CTSZ: variants seen among roughly 807,000 people sequenced by gnomAD.
CTSZ encodes the protein cathepsin Z.
A neutral mutation model predicts 32.4 loss-of-function variants in CTSZ; 39 were observed. That is an observed-to-expected ratio of 1.20 (90% CI 0.93 to 1.57). CTSZ has a LOEUF of 1.57. Ranked by LOEUF, CTSZ falls within the 40% of genes most tolerant of loss-of-function variation. The probability of loss-of-function intolerance (pLI) is 0.00; values close to 1 mark genes in which losing one functional copy is unlikely to be tolerated. For synonymous variants in CTSZ, 168 were observed against 170.1 expected (o/e 0.99, Z 0.10); for missense variants, 397 against 419.6 (o/e 0.95, Z 0.47).
chr20:59,001,229 G>A (rs563893877), intron 3 of CTSZ, among the ~76,000 whole-genome samples: 27 of 152,332 alleles, frequency 1.8e-4, no homozygotes, highest in Non-Finnish European at 2.5e-4. Flanking sequence ...CCAAGCGGGT[G>A]CAAGATAGCA....
rs163795 is a variant in CTSZ, at chr20:59,002,450, G to C, written c.308-806C>G. 0.84 allele frequency among the ~76,000 whole-genome samples: 127,772 copies of C among 152,130 alleles called. 53,997 individuals are homozygous for C. The highest frequency in any genetic ancestry group is 0.92 in the African/African-American group (38,384 of 41,516). ...CTCAGGCCTCATCTCCTGACCCCAC[G>C]TTCAAGTCGGAACTCTTCCTGCAGC... On this transcript the variant is annotated intron_variant, in intron 2 of 5. Coordinates refer to ENST00000217131, the MANE Select transcript of CTSZ (RefSeq NM_001336.4). This position sits in a 1 kb window ranked among gnomAD's most constrained non-coding sequence, Gnocchi z 4.1.
In CTSZ at chr20:59,006,974, G is replaced by A; in HGVS notation, c.143+12C>T. On this transcript the variant is annotated intron_variant, in intron 1 of 5. Coordinates refer to ENST00000217131, the MANE Select transcript of CTSZ (RefSeq NM_001336.4). Reference sequence around the variant, plus strand: ...CCCGTCCCCCCAGGGCTGCCTCCCCGCCGGTGCCCACCTGCGCCCCAGCGG... The same window carrying A: ...CCCGTCCCCCCAGGGCTGCCTCCCCACCGGTGCCCACCTGCGCCCCAGCGG... The A allele has an allele frequency of 1.4e-6, 2 of 1,426,128 alleles. No homozygotes were observed. The highest frequency in any genetic ancestry group is 1.8e-6 in the Non-Finnish European group (2 of 1,098,138). The allele number at this position is 1,426,128 out of a possible 1,614,324, so 88.3% of individuals were successfully genotyped here. A position where few individuals can be genotyped will look rare whatever the true frequency, so the allele number is the denominator to read the frequency against.
At position 58,996,385 on chromosome 20, in the gene CTSZ, C is replaced by T. The variant is rs1289615292; in HGVS notation, c.801+254G>A. On this transcript the variant is annotated intron_variant, in intron 5 of 5. Transcript: ENST00000217131. ...GACGGTTTTGGTCACACTGGGATTGCGGGGAGTCACCTAGTGGGTGGAGGG... is the reference window on the plus strand; with the variant it reads ...GACGGTTTTGGTCACACTGGGATTGTGGGGAGTCACCTAGTGGGTGGAGGG... Among the ~76,000 whole-genome samples the T allele has an allele frequency of 3.9e-5, 6 of 152,222 alleles. 1 individual carries two copies. The highest frequency in any genetic ancestry group is 4.1e-4 in the South Asian group (2 of 4,826).
intron 3 of CTSZ, among the ~76,000 whole-genome samples, chr20:58,998,156 A>C (rs1292061710): frequency 3.9e-5 from 6 of 152,168 alleles, no homozygotes; most frequent in African/African-American, 1.2e-4. Flanking sequence ...GGGTAACAAC[A>C]ACCACAAAAA....
rs1453968638 is a variant in CTSZ at position 59,004,002 on chromosome 20, G to A, written c.307+2320C>T. ...GTGTGGCTTAGACCTGGAGGAGGCG[G>A]TGGGCGGTGCGTGATTTCTGCATCT... is the stretch of plus-strand genomic sequence containing the variant. On this transcript the variant is annotated intron_variant, in intron 2 of 5. Transcript: ENST00000217131. The surrounding 1 kb of genome is among the most constrained non-coding windows in gnomAD (Gnocchi z 5.6). 6.6e-6 allele frequency among the ~76,000 whole-genome samples: 1 copy of A among 152,214 alleles called. No homozygotes were observed. The highest frequency in any genetic ancestry group is 2.4e-5 in the African/African-American group (1 of 41,450).
chr20:59,006,403 A>C lies in CTSZ; in HGVS notation c.226T>G (p.Tyr76Asp), dbSNP rs2091908753. The change falls in exon 2 of 6, where the codon TAT (tyrosine) becomes GAT (aspartate). Residue 76 changes from tyrosine (Y) to aspartate (D), a missense_variant. Coordinates refer to ENST00000217131, the MANE Select transcript of CTSZ (RefSeq NM_001336.4). Reference sequence around the variant, plus strand: ...TGCTGGTTCCGGGTGATGCTGGCATAGTTGACACCATCCACATTGCGCCAG... The same window carrying C: ...TGCTGGTTCCGGGTGATGCTGGCATCGTTGACACCATCCACATTGCGCCAG... ...WDWRNVDGVN[Y>D]ASITRNQHIP... 6.2e-7 allele frequency: 1 copy of C among 1,613,886 alleles called. No homozygotes were observed. The highest frequency in any genetic ancestry group is 1.7e-5 in the Admixed American group (1 of 60,006).
rs138298206 is a variant in CTSZ, at chr20:58,997,853, A to G, written c.488-100T>C. On this transcript the variant is annotated intron_variant, in intron 3 of 5. Coordinates refer to ENST00000217131, the MANE Select transcript of CTSZ (RefSeq NM_001336.4). ...ACTCTCCACTCTCATCATGCAGCCT[A>G]CCACTCAGCAGCTAAGAACGGAAAT... The G allele has an allele frequency of 3.3e-4, 348 of 1,064,494 alleles. No individual in the cohort carries two copies. In the African/African-American group the frequency reaches 4.6e-3, roughly 14 times the overall value. 65.9% of individuals were successfully genotyped at this position (1,064,494 alleles called of 1,614,324 possible).
intron 4 of CTSZ, 23 bp from the exon 5 acceptor site, chr20:58,996,824 T>C (rs2091862875): frequency 6.2e-7 from 1 of 1,609,536 alleles, no homozygotes; most frequent in African/African-American, 1.3e-5. Context: ...AGTTAAAGAA[T>C]TACCACTTTT....
rs1430367441 is a variant in CTSZ at position 58,997,638 on chromosome 20, C to T, written c.603G>A (p.Lys201=). Residue 201 remains lysine (K), a synonymous_variant, in exon 4 of 6, where the codon AAG becomes AAA. Transcript: ENST00000217131. ...CATTTGCATAGATTTCTGCCATCAT[C>T]TTCTCCCTCCCAGAGAGGGAGCCGT... ...GDYGSLSGRE[K]MMAEIYANGP... 5 of 1,605,242 alleles carry T rather than the reference C, an allele frequency of 3.1e-6. No homozygotes were observed. Among genetic ancestry groups the T allele is most frequent in the Non-Finnish European group, 1.7e-6 (2 of 1,175,762 alleles).
Position 59,006,493 on chromosome 20 carries a change from GA to G in CTSZ, c.144-9del, listed in dbSNP as rs1199584927. ...TGAGGCCGGGGGTATGTGCTGAGAA[GA>G]GATCATCCCCACCCAGATCGGTGCT... On this transcript the variant is annotated splice_polypyrimidine_tract_variant and intron_variant, in intron 1 of 5. Transcript: ENST00000217131. 116 of 1,608,766 alleles carry G rather than the reference GA, an allele frequency of 7.2e-5. No homozygotes were observed. The highest frequency in any genetic ancestry group is 9.7e-5 in the Non-Finnish European group (114 of 1,178,408).
chr20:58,996,686 C>A lies in CTSZ; in HGVS notation c.754G>T (p.Asp252Tyr). The A allele has an allele frequency of 6.2e-7, 1 of 1,614,172 alleles. No homozygotes were observed. The highest frequency in any genetic ancestry group is 1.3e-5 in the African/African-American group (1 of 75,054). The change falls in exon 5 of 6, where the codon GAT becomes TAT. Residue 252 changes from aspartate to tyrosine, a missense_variant. Asp to Tyr is a radical substitution (Grantham distance 160). Transcript: ENST00000217131. ...VVSVAGWGIS[D>Y]GTEYWIVRNS... ...CGGACAATCCAGTACTCAGTCCCAT[C>A]ACTGATGCCCCACCCAGCCACAGAA... is the stretch of plus-strand genomic sequence containing the variant.
Position 59,001,641 on chromosome 20 carries a change from C to T in CTSZ, c.311G>A (p.Arg104Gln), listed in dbSNP as rs183143957. The change falls in exon 3 of 6, where the codon CGG becomes CAG. Residue 104 changes from arginine to glutamine, a missense_variant. Physicochemically the swap from Arg to Gln is conservative, Grantham distance 43. Transcript: ENST00000217131. ...CGCTCCCTTCCTCTTGATGTTGATC[C>T]GATCTGCAACAGTCAGCACCTGCCA... ...AHASTSAMADRINIKRKGAWP... is the reference protein window; with the variant it reads ...AHASTSAMADQINIKRKGAWP... 1.9e-5 allele frequency: 31 copies of T among 1,612,808 alleles called. No individual in the cohort carries two copies. The highest frequency in any genetic ancestry group is 4.5e-5 in the East Asian group (2 of 44,854).
chr20:59,002,909 C>G lies in CTSZ; in HGVS notation c.308-1265G>C, dbSNP rs1268589285. Among the ~76,000 whole-genome samples the G allele has an allele frequency of 6.6e-6, 1 of 152,182 alleles. No homozygotes were observed. The highest frequency in any genetic ancestry group is 6.5e-5 in the Admixed American group (1 of 15,280). ...CCCCTCTAAGCAGATCTGCACACCC[C>G]AAACTTGCCTTTCTCACAACAACAG... On this transcript the variant is annotated intron_variant, in intron 2 of 5. Coordinates refer to ENST00000217131, the MANE Select transcript of CTSZ (RefSeq NM_001336.4). The surrounding 1 kb of genome is among the most constrained non-coding windows in gnomAD (Gnocchi z 4.1).
At chr20:59,006,602 G>T in intron 1 of CTSZ, 117 bp from the exon 2 acceptor site, 2 of 1,100,196 alleles carry the variant, frequency 1.8e-6, no homozygotes, top group Non-Finnish European at 2.6e-6. Flanking sequence ...TGGGAGTGGG[G>T]CCACAATCAC....
intron 3 of CTSZ, 75 bp downstream of exon 3, chr20:59,001,389 GT>G: frequency 6.8e-7 from 1 of 1,475,922 alleles, no homozygotes; most frequent in Non-Finnish European, 9.2e-7. Context: ...GTCAGGCTGG[GT>G]CCTCAGCCAC....
At chr20:58,996,541 C>G in intron 5 of CTSZ, 98 bp downstream of exon 5, 1 of 1,336,136 alleles carries the variant, frequency 7.5e-7, no homozygotes, top group Non-Finnish European at 1.1e-6. Flanking sequence ...CTGTCAAGGC[C>G]CCAGTTTTTA....
At position 59,002,224 on chromosome 20, in the gene CTSZ, C is replaced by A. The variant is rs575838849; in HGVS notation, c.308-580G>T. On this transcript the variant is annotated intron_variant, in intron 2 of 5. Coordinates refer to ENST00000217131, the MANE Select transcript of CTSZ (RefSeq NM_001336.4). This position sits in a 1 kb window ranked among gnomAD's most constrained non-coding sequence, Gnocchi z 4.1. ...GCTCCCAGCGGCTGGCTGACCATGCCCTCACTGCCCAGGTGGCTGGGCTCT... is the reference window on the plus strand; with the variant it reads ...GCTCCCAGCGGCTGGCTGACCATGCACTCACTGCCCAGGTGGCTGGGCTCT... Among the ~76,000 whole-genome samples the A allele has an allele frequency of 2.0e-5, 3 of 152,300 alleles. No individual in the cohort carries two copies. In the East Asian group the frequency reaches 5.8e-4, roughly 29 times the overall value.
Position 59,001,496 on chromosome 20 carries a change from C to T in CTSZ, c.456G>A (p.Glu152=), listed in dbSNP as rs930017013. The T allele has an allele frequency of 9.9e-6, 16 of 1,613,652 alleles. No individual in the cohort carries two copies. The highest frequency in any genetic ancestry group is 1.7e-4 in the Middle Eastern group (1 of 6,058). ...DYAHQHGIPD[E]TCNNYQAKDQ... Reference sequence around the variant, plus strand: ...CCTTGGCCTGGTAGTTGTTGCAGGTCTCGTCAGGGATGCCGTGCTGGTGGG... The same window carrying T: ...CCTTGGCCTGGTAGTTGTTGCAGGTTTCGTCAGGGATGCCGTGCTGGTGGG... The change falls in exon 3 of 6, where the codon GAG becomes GAA. Residue 152 remains glutamate, a synonymous_variant. Coordinates refer to ENST00000217131, the MANE Select transcript of CTSZ (RefSeq NM_001336.4).
chr20:59,003,776 G>A (rs906855571), intron 2 of CTSZ, among the ~76,000 whole-genome samples: 6 of 152,144 alleles, frequency 3.9e-5, no homozygotes, highest in Non-Finnish European at 7.4e-5. Context: ...TCCACTCTCC[G>A]CAGGAGCAGG....
Sources: gnomAD v4.1 joint callset for allele counts (sites outside exome capture counted in the v4.1 genomes callset) on GRCh38, gnomAD v4.1.1 for gene constraint, Gnocchi (gnomAD v3.1) non-coding constraint, MANE v1.5 for transcripts, NCBI Gene and HGNC (gene_info 2026-07-23, HGNC 2026-07-21) for gene names.